NEDD4L: variants seen among roughly 807,000 people sequenced by gnomAD.
The protein encoded by NEDD4L is NEDD4 like E3 ubiquitin protein ligase, also known as E3 ubiquitin-protein ligase NEDD4-like.
In NEDD4L, 54 loss-of-function variants were observed where a neutral mutation model predicts 148.9. The ratio of observed to expected loss-of-function variants is 0.36; its 90% CI spans 0.29 to 0.45. The LOEUF (loss-of-function observed/expected upper bound fraction) is 0.45, where lower values mean the gene tolerates loss of function less well. Among genes scored for constraint, NEDD4L ranks in the 20% least tolerant of loss-of-function variants. The pLI is 1.00. For synonymous variants in NEDD4L, 433 were observed against 440.7 expected (o/e 0.98, Z 0.22); for missense variants, 856 against 1,233.8 (o/e 0.69, Z 4.59).
intron 2 of NEDD4L, among the ~76,000 whole-genome samples, chr18:58,231,011 G>T (rs2045113857): frequency 6.6e-6 from 1 of 152,102 alleles, no homozygotes; most frequent in Admixed American, 6.5e-5. Flanking sequence ...ACTGTGGGAG[G>T]TGGAGGCAGG....
At chr18:58,177,427 G>A (rs1210534629) in intron 2 of NEDD4L, among the ~76,000 whole-genome samples, 1 of 152,204 alleles carries the variant, frequency 6.6e-6, no homozygotes, top group African/African-American at 2.4e-5. Flanking sequence ...CAGGAACACA[G>A]CCAGAAGGTG....
chr18:58,219,766 A>G (rs1306286125), intron 2 of NEDD4L, among the ~76,000 whole-genome samples: 1 of 152,244 alleles, frequency 6.6e-6, no homozygotes, highest in African/African-American at 2.4e-5. Flanking sequence ...GAAGTATTAA[A>G]GACTTCAACT....
chr18:58,276,694 A>ATATTAT (rs143837901), intron 5 of NEDD4L, among the ~76,000 whole-genome samples: 7 of 97,834 alleles, frequency 7.2e-5, no homozygotes, highest in African/African-American at 3.8e-4. Flanking sequence ...AATAATAATA[A>ATATTAT]TATTATTATT....
chr18:58,084,907 C>G (rs1351980889), intron 1 of NEDD4L, among the ~76,000 whole-genome samples: 1 of 151,840 alleles, frequency 6.6e-6, no homozygotes, highest in East Asian at 1.9e-4. Context: ...GTTGCCCAGC[C>G]TGGTCTTGAA....
At chr18:58,345,657 G>C (rs2042947764) in intron 16 of NEDD4L, among the ~76,000 whole-genome samples, 1 of 152,118 alleles carries the variant, frequency 6.6e-6, no homozygotes, top group African/African-American at 2.4e-5. Context: ...TGTCATGAAA[G>C]ATGACCTTTT....
At chr18:58,128,375 A>G (rs1027481874) in intron 1 of NEDD4L, among the ~76,000 whole-genome samples, 1 of 152,092 alleles carries the variant, frequency 6.6e-6, no homozygotes, top group African/African-American at 2.4e-5. Context: ...TATCCCAGGA[A>G]ACTTAATAGG....
chr18:58,234,539 TGCCCAG>T (rs1296589063), intron 2 of NEDD4L, among the ~76,000 whole-genome samples: 1 of 151,996 alleles, frequency 6.6e-6, no homozygotes, highest in Non-Finnish European at 1.5e-5. Context: ...CTCACTATGT[TGCCCAG>T]GCTGGCTTTG....
intron 5 of NEDD4L, among the ~76,000 whole-genome samples, chr18:58,306,497 G>A (rs762125467): frequency 7.2e-5 from 11 of 152,050 alleles, no homozygotes; most frequent in African/African-American, 2.4e-4. Context: ...GGAGGGATTC[G>A]GGGAGCCTGT....
intron 14 of NEDD4L, 98 bp downstream of exon 14, chr18:58,341,267 A>C: frequency 7.4e-7 from 1 of 1,359,760 alleles, no homozygotes. Context: ...GTTCTGAAAG[A>C]CCCGTATTTG....
At chr18:58,125,777 A>G (rs2030966928) in intron 1 of NEDD4L, among the ~76,000 whole-genome samples, 1 of 152,254 alleles carries the variant, frequency 6.6e-6, no homozygotes, top group Admixed American at 6.5e-5. Context: ...ATATTTCAAC[A>G]TGTAATCAGT....
intron 5 of NEDD4L, among the ~76,000 whole-genome samples, chr18:58,275,851 T>C (rs1361997219): frequency 1.3e-5 from 2 of 152,144 alleles, no homozygotes; most frequent in African/African-American, 4.8e-5. Context: ...GAGAATCCCC[T>C]ATGGGCATTG....
chr18:58,126,723 A>G (rs1958729854), intron 1 of NEDD4L, among the ~76,000 whole-genome samples: 1 of 152,218 alleles, frequency 6.6e-6, no homozygotes, highest in South Asian at 2.1e-4. Context: ...CATTCCCACC[A>G]GCATCAAGTG....
chr18:58,239,750 T>C (rs1423054881), intron 2 of NEDD4L, among the ~76,000 whole-genome samples: 1 of 152,192 alleles, frequency 6.6e-6, no homozygotes, highest in Admixed American at 6.5e-5. Context: ...GATGACCTCG[T>C]CTGCGCTGTC....
At position 58,256,298 on chromosome 18, in the gene NEDD4L, G is replaced by A; in HGVS notation, c.297+4244G>A. 4.1e-6 allele frequency: 5 copies of A among 1,231,726 alleles called. No homozygotes were observed. The highest frequency in any genetic ancestry group is 5.1e-6 in the Non-Finnish European group (5 of 987,836). The allele number at this position is 1,231,726 out of a possible 1,614,324, so 76.3% of individuals were successfully genotyped here. Reference sequence around the variant, plus strand: ...CGATGGCCAGGGCGGCCCGGCCGCGGCAGAGCCCAGGCGCTGGTCCCTGCA... The same window carrying A: ...CGATGGCCAGGGCGGCCCGGCCGCGACAGAGCCCAGGCGCTGGTCCCTGCA... On this transcript the variant is annotated intron_variant, in intron 5 of 30. Coordinates refer to ENST00000400345, the MANE Select transcript of NEDD4L (RefSeq NM_001144967.3). This position sits in a 1 kb window ranked among gnomAD's most constrained non-coding sequence, Gnocchi z 5.2.
intron 1 of NEDD4L, among the ~76,000 whole-genome samples, chr18:58,140,235 A>T (rs2033344786): frequency 6.6e-6 from 1 of 152,182 alleles, no homozygotes; most frequent in African/African-American, 2.4e-5. Flanking sequence ...TATACCTGGG[A>T]AATTCTGGTA....
intron 2 of NEDD4L, among the ~76,000 whole-genome samples, chr18:58,198,538 G>A (rs1568371698): frequency 6.6e-6 from 1 of 152,118 alleles, no homozygotes; most frequent in African/African-American, 2.4e-5. Flanking sequence ...GTGGAGTGTC[G>A]GGGAGCTGGG....
intron 1 of NEDD4L, among the ~76,000 whole-genome samples, chr18:58,137,819 A>T (rs934372356): frequency 6.6e-6 from 1 of 152,162 alleles, no homozygotes; most frequent in Admixed American, 6.5e-5. Context: ...CACTCTTGAC[A>T]CGTAAGCTGG....
intron 1 of NEDD4L, among the ~76,000 whole-genome samples, chr18:58,096,724 A>G (rs1168985382): frequency 6.6e-6 from 1 of 152,066 alleles, no homozygotes; most frequent in Non-Finnish European, 1.5e-5. Context: ...TTATGTTGTG[A>G]GTTTTGTTTT....
In NEDD4L at chr18:58,399,928, A is replaced by T. The variant is rs543688422; in HGVS notation, c.*3659A>T. The stretch of plus-strand genomic sequence containing the variant: ...CCGAAAGCCAGGTTCATACACAGCA[A>T]CTTTTTAATTATTCTAACAGTTACC... On this transcript the variant is annotated 3_prime_UTR_variant, in exon 31 of 31. Transcript: ENST00000400345. 2.9e-4 allele frequency: 44 copies of T among 152,310 alleles called. No individual in the cohort carries two copies. Among genetic ancestry groups the T allele is most frequent in the African/African-American group, 9.4e-4 (39 of 41,564 alleles). 9.4% of individuals were successfully genotyped at this position (152,310 alleles called of 1,614,324 possible).
Sources: gnomAD v4.1 joint callset for allele counts (sites outside exome capture counted in the v4.1 genomes callset) on GRCh38, gnomAD v4.1.1 for gene constraint, Gnocchi (gnomAD v3.1) non-coding constraint, MANE v1.5 for transcripts, NCBI Gene and HGNC (gene_info 2026-07-23, HGNC 2026-07-21) for gene names.